TAF1B: variants seen among roughly 807,000 people sequenced by gnomAD.
TAF1B encodes the protein TATA-box binding protein associated factor, RNA polymerase I subunit B.
TAF1B carries 61 observed loss-of-function variants against 83.9 expected under a neutral mutation model. That is an observed-to-expected ratio of 0.73 (90% CI 0.59 to 0.90). TAF1B has a LOEUF of 0.90. Ranked by LOEUF, TAF1B falls within the 40% of genes least tolerant of loss-of-function variation. The pLI, the probability that TAF1B is intolerant of heterozygous loss-of-function variation, is 0.00. For missense variants in TAF1B, 625 were observed against 677.0 expected (o/e 0.92, Z 0.85); for synonymous variants, 221 against 224.6 (o/e 0.98, Z 0.14).
At chr2:9,855,745 A>G (rs1472327720) in intron 5 of TAF1B, among the ~76,000 whole-genome samples, 4 of 152,202 alleles carry the variant, frequency 2.6e-5, no homozygotes, top group Non-Finnish European at 5.9e-5. Context: ...AGTCTAGCCC[A>G]CTTTGAACAT....
At position 9,904,870 on chromosome 2, in the gene TAF1B, C is replaced by T; in HGVS notation, c.819C>T (p.Asp273=). The T allele has an allele frequency of 2.5e-6, 4 of 1,610,028 alleles. No homozygotes were observed. Among genetic ancestry groups the T allele is most frequent in the South Asian group, 1.1e-5 (1 of 90,998 alleles). The change falls in exon 9 of 15, where the codon GAC becomes GAT. Residue 273 remains aspartate, a synonymous_variant. Coordinates refer to ENST00000263663, the MANE Select transcript of TAF1B (RefSeq NM_005680.3). ...RGIFGIESWP[D]YEDIYKKTVE... ...CTCTTTTATTTCAGTCTTGGCCTGACTACGAGGACATCTACAAAAAAACAG... is the reference window on the plus strand; with the variant it reads ...CTCTTTTATTTCAGTCTTGGCCTGATTACGAGGACATCTACAAAAAAACAG...
chr2:9,880,596 C>T (rs1037477514), intron 7 of TAF1B, among the ~76,000 whole-genome samples: 7 of 152,102 alleles, frequency 4.6e-5, no homozygotes, highest in African/African-American at 9.7e-5. Context: ...TCCTCTGCTC[C>T]TACAGAACTG....
chr2:9,878,712 C>T lies in TAF1B; in HGVS notation c.707+2694C>T, dbSNP rs73913906. On this transcript the variant is annotated intron_variant, in intron 7 of 14. Coordinates refer to ENST00000263663, the MANE Select transcript of TAF1B (RefSeq NM_005680.3). The stretch of plus-strand genomic sequence containing the variant: ...CAGGTGTTGTTCTGGCATCTAGACC[C>T]TTGCGATGCAGTTGTGAATCATATA... Among the ~76,000 whole-genome samples the T allele has an allele frequency of 6.7e-3, 1,021 of 152,318 alleles. 11 individuals carry two copies. The highest frequency in any genetic ancestry group is 0.024 in the African/African-American group (987 of 41,562).
chr2:9,911,812 T>C (rs2125173245), intron 11 of TAF1B, among the ~76,000 whole-genome samples: 1 of 152,344 alleles, frequency 6.6e-6, no homozygotes, highest in South Asian at 2.1e-4. Flanking sequence ...TCACCAGCCA[T>C]GCTAGATCAT....
chr2:9,848,161 T>A (rs899493739), intron 2 of TAF1B, among the ~76,000 whole-genome samples: 1 of 152,226 alleles, frequency 6.6e-6, no homozygotes, highest in African/African-American at 2.4e-5. Context: ...ACGTGTCTTA[T>A]GTTTTCAGTG....
intron 5 of TAF1B, among the ~76,000 whole-genome samples, chr2:9,867,390 G>GGT (rs1196662383): frequency 6.6e-6 from 1 of 152,220 alleles, no homozygotes; most frequent in Non-Finnish European, 1.5e-5. Context: ...CCAGCTTTCT[G>GGT]GTGTAGCCTC....
rs777772609 is a variant in TAF1B, at chr2:9,851,616, T to A, written c.281T>A (p.Leu94His). ...CAACAAGCAGAAGCCTTAAAGAACC[T>A]TGGAGTAGGCCCAGAGTTAAAGGTA... ...LYQQAEALKN[L>H]GVGPELKNDV... The change falls in exon 4 of 15, where the codon CTT (leucine) becomes CAT (histidine). Residue 94 changes from leucine (L) to histidine (H), a missense_variant. Coordinates refer to ENST00000263663, the MANE Select transcript of TAF1B (RefSeq NM_005680.3). 6.2e-7 allele frequency: 1 copy of A among 1,612,542 alleles called. No homozygotes were observed. The highest frequency in any genetic ancestry group is 8.5e-7 in the Non-Finnish European group (1 of 1,179,562).
At chr2:9,920,684 T>G (rs375792558) in intron 14 of TAF1B, among the ~76,000 whole-genome samples, 11 of 152,236 alleles carry the variant, frequency 7.2e-5, no homozygotes, top group South Asian at 6.2e-4. Flanking sequence ...CCCTTACAAC[T>G]AATAAAAAAT....
Position 9,868,284 on chromosome 2 carries a change from A to G in TAF1B, c.408A>G (p.Glu136=). ...TATTGTTTTGCAAACAGGTATTAGAAGATAATCTAAGTCATTCAGACTGGG... is the reference window on the plus strand; with the variant it reads ...TATTGTTTTGCAAACAGGTATTAGAGGATAATCTAAGTCATTCAGACTGGG... ...YTTGRKPTVL[E]DNLSHSDWAS... Residue 136 remains glutamate, a synonymous_variant, in exon 6 of 15, where the codon GAA becomes GAG. Transcript: ENST00000263663. 6.2e-7 allele frequency: 1 copy of G among 1,614,078 alleles called. No homozygotes were observed. Among genetic ancestry groups the G allele is most frequent in the East Asian group, 2.2e-5 (1 of 44,880 alleles).
chr2:9,888,426 A>AT (rs1232991137), intron 8 of TAF1B, among the ~76,000 whole-genome samples: 2 of 152,026 alleles, frequency 1.3e-5, no homozygotes, highest in African/African-American at 2.4e-5. Flanking sequence ...TTAGATCCCA[A>AT]TTTCTGTCTA....
At chr2:9,902,104 T>C (rs1487693684) in intron 8 of TAF1B, among the ~76,000 whole-genome samples, 2 of 152,162 alleles carry the variant, frequency 1.3e-5, no homozygotes, top group African/African-American at 4.8e-5. Flanking sequence ...AAATCAAGCA[T>C]AGTTATAAAT....
At chr2:9,853,335 G>A (rs566450217) in intron 4 of TAF1B, among the ~76,000 whole-genome samples, 3 of 152,198 alleles carry the variant, frequency 2.0e-5, no homozygotes, top group Non-Finnish European at 2.9e-5. Context: ...TAATGGCTGG[G>A]TAATCTTGGA....
At chr2:9,863,301 T>A (rs1369840141) in intron 5 of TAF1B, among the ~76,000 whole-genome samples, 2 of 152,300 alleles carry the variant, frequency 1.3e-5, no homozygotes, top group Middle Eastern at 3.4e-3. Context: ...GTAATCCTAG[T>A]CTCTGATAAA....
chr2:9,919,664 A>G lies in TAF1B; in HGVS notation c.1409A>G (p.Lys470Arg). Residue 470 changes from lysine (K) to arginine (R), a missense_variant, in exon 14 of 15, where the codon AAA becomes AGA. By Grantham distance (26) the Lys-to-Arg change is conservative. Coordinates refer to ENST00000263663, the MANE Select transcript of TAF1B (RefSeq NM_005680.3). ...LVESTATAGK[K>R]SPSSFQFNWT... ...GAGTCAACAGCAACTGCTGGAAAAA[A>G]AAGCCCTTCAAGTTTTCAGTTCAAC... 2.5e-6 allele frequency: 4 copies of G among 1,614,212 alleles called. No homozygotes were observed. Among genetic ancestry groups the G allele is most frequent in the Non-Finnish European group, 1.7e-6 (2 of 1,180,028 alleles).
chr2:9,853,751 G>A (rs970269953), intron 4 of TAF1B, among the ~76,000 whole-genome samples: 16 of 152,058 alleles, frequency 1.1e-4, no homozygotes, highest in African/African-American at 2.4e-4. Flanking sequence ...GTGAGCCACC[G>A]TGCCCAGCCG....
At chr2:9,866,827 A>G (rs1394969239) in intron 5 of TAF1B, among the ~76,000 whole-genome samples, 3 of 152,280 alleles carry the variant, frequency 2.0e-5, no homozygotes, top group Admixed American at 6.5e-5. Context: ...TGAGCAAACT[A>G]TCACAAGGAC....
chr2:9,879,814 A>G (rs2125153133), intron 7 of TAF1B, among the ~76,000 whole-genome samples: 1 of 152,332 alleles, frequency 6.6e-6, no homozygotes, highest in East Asian at 1.9e-4. Flanking sequence ...CTTTAAAAAT[A>G]TACAATTCAG....
chr2:9,899,056 G>A (rs1444741521), intron 8 of TAF1B, among the ~76,000 whole-genome samples: 1 of 151,692 alleles, frequency 6.6e-6, no homozygotes, highest in African/African-American at 2.4e-5. Context: ...GCAGCTCAGT[G>A]GTATTAAGTG....
At position 9,868,782 on chromosome 2, in the gene TAF1B, G is replaced by A. The variant is rs184606160; in HGVS notation, c.553+353G>A. On this transcript the variant is annotated intron_variant, in intron 6 of 14. Coordinates refer to ENST00000263663, the MANE Select transcript of TAF1B (RefSeq NM_005680.3). ...AAAAATGTTATTATGTAGCCATATA[G>A]TAAAATAGACAAAGATGGTATGTCC... The A allele has an allele frequency of 1.2e-3, 562 of 459,228 alleles. 1 individual carries two copies. Among genetic ancestry groups the A allele is most frequent in the Non-Finnish European group, 2.0e-3 (452 of 227,880 alleles). The allele number at this position is 459,228 out of a possible 1,614,324, so 28.4% of individuals were successfully genotyped here.
Sources: allele counts gnomAD v4.1 joint callset (sites outside exome capture counted in the v4.1 genomes callset), GRCh38; gene constraint gnomAD v4.1.1; transcripts MANE v1.5; gene names NCBI Gene and HGNC (gene_info 2026-07-23, HGNC 2026-07-21).